The following ENOSF1 variants were observed in gnomAD, a reference collection of about 807,000 sequenced individuals.
ENOSF1 encodes enolase superfamily member 1, also known as mitochondrial enolase superfamily member 1.
A neutral mutation model predicts 68.2 loss-of-function variants in ENOSF1; 73 were observed. The ratio of observed to expected loss-of-function variants is 1.07; its 90% confidence interval spans 0.89 to 1.30. The LOEUF (loss-of-function observed/expected upper bound fraction) is 1.30, where lower values mean the gene tolerates loss of function less well. ENOSF1 is among the 50% of genes most tolerant of loss of function. The pLI is 0.00. For missense variants in ENOSF1, 589 were observed against 554.5 expected (o/e 1.06, Z -0.62); for synonymous variants, 223 against 210.4 (o/e 1.06, Z -0.52).
chr18:704,440 GAAAAAAA>G (rs11429267), intron 2 of ENOSF1, among the ~76,000 whole-genome samples: 1 of 97,254 alleles, frequency 1.0e-5, no homozygotes, highest in Non-Finnish European at 2.0e-5. Flanking sequence ...AAAAAGAAAA[GAAAAAAA>G]AAAAAAAAAA....
At chr18:710,247 C>T (rs993249369) in intron 1 of ENOSF1, among the ~76,000 whole-genome samples, 126 of 152,090 alleles carry the variant, frequency 8.3e-4, no homozygotes, top group African/African-American at 2.9e-3. Flanking sequence ...TGGCTGGGAC[C>T]ACAGGTGCAT....
At chr18:697,986 G>T (rs1374060496) in intron 2 of ENOSF1, among the ~76,000 whole-genome samples, 6 of 152,120 alleles carry the variant, frequency 3.9e-5, no homozygotes, top group African/African-American at 1.4e-4. Context: ...TAGAGACGCA[G>T]TTTCGACATG....
At chr18:675,270 G>A in intron 15 of ENOSF1, 51 bp downstream of exon 15, 4 of 1,387,124 alleles carry the variant, frequency 2.9e-6, no homozygotes, top group Non-Finnish European at 2.0e-6. Context: ...AGACAGGCGT[G>A]GCAGTGGCTG....
At position 673,180 on chromosome 18, in the gene ENOSF1, T is replaced by C. The variant is rs2075146519; in HGVS notation, c.*1125A>G. On this transcript the variant is annotated 3_prime_UTR_variant, in exon 16 of 16. Transcript: ENST00000647584. ...AATGTAACTGTGCCAGTTCTTTCCATAATAAAAGGCTTTGAGTTAACTCAC... is the reference window on the plus strand; with the variant it reads ...AATGTAACTGTGCCAGTTCTTTCCACAATAAAAGGCTTTGAGTTAACTCAC... 1 of 560,672 alleles carries C rather than the reference T, an allele frequency of 1.8e-6. No individual in the cohort carries two copies. Among genetic ancestry groups the C allele is most frequent in the African/African-American group, 1.8e-5 (1 of 54,138 alleles). The allele number at this position is 560,672 out of a possible 1,614,324, so 34.7% of individuals were successfully genotyped here.
chr18:698,820 C>A (rs984550895), intron 2 of ENOSF1, among the ~76,000 whole-genome samples: 1 of 151,958 alleles, frequency 6.6e-6, no homozygotes, highest in African/African-American at 2.4e-5. Context: ...CAGGGTTTCA[C>A]CATGCTTCCC....
At position 708,023 on chromosome 18, in the gene ENOSF1, CTT is replaced by C. The variant is rs35107796; in HGVS notation, c.85-1447_85-1446del. ...TACAGGCACCCACCACTATGACCAGCTTTTTTTTTTTTTTTTTAGTAAAGATG... is the reference window on the plus strand; with the variant it reads ...TACAGGCACCCACCACTATGACCAGCTTTTTTTTTTTTTTTAGTAAAGATG... On this transcript the variant is annotated intron_variant, in intron 1 of 15. Transcript: ENST00000647584. Among the ~76,000 whole-genome samples, 556 of 137,510 alleles carry C rather than the reference CTT, an allele frequency of 4.0e-3. 6 individuals are homozygous for C. The highest frequency in any genetic ancestry group is 5.6e-3 in the Non-Finnish European group (355 of 63,910). The allele number at this position is 137,510 out of a possible 152,430, so 90.2% of individuals were successfully genotyped here.
At position 671,207 on chromosome 18, in the gene ENOSF1, A is replaced by G. The variant is rs2075030806; in HGVS notation, c.*3098T>C. ...GCAATTGCTTGAGGTCTGGAGTTCA[A>G]TACCAGCCTGGGCAACATAACAAGA... is the stretch of plus-strand genomic sequence containing the variant. On this transcript the variant is annotated 3_prime_UTR_variant, in exon 16 of 16. Transcript: ENST00000647584. 3 of 632,396 alleles carry G rather than the reference A, an allele frequency of 4.7e-6. No homozygotes were observed. Among genetic ancestry groups the G allele is most frequent in the East Asian group, 5.5e-5 (2 of 36,696 alleles). 39.2% of individuals were successfully genotyped at this position (632,396 alleles called of 1,614,324 possible). A position where few individuals can be genotyped will look rare whatever the true frequency, so the allele number is the denominator to read the frequency against.
intron 11 of ENOSF1, chr18:682,926 A>C (rs117186312): frequency 0.025 from 5,497 of 224,286 alleles, 210 homozygotes; most frequent in African/African-American, 0.11. Context: ...AAAAAACAAA[A>C]AAAAAAAATG....
At chr18:683,816 C>T (rs1176273855) in intron 10 of ENOSF1, among the ~76,000 whole-genome samples, 1 of 152,046 alleles carries the variant, frequency 6.6e-6, no homozygotes, top group East Asian at 1.9e-4. Flanking sequence ...TTGACTATTG[C>T]CCACTGTGTG....
At chr18:692,648 C>T in intron 5 of ENOSF1, 1 of 845,922 alleles carries the variant, frequency 1.2e-6, no homozygotes, top group Non-Finnish European at 1.4e-6. Context: ...AGAGTACTGG[C>T]ATTGAAAGGG....
At chr18:680,544 C>T (rs975362888) in intron 11 of ENOSF1, among the ~76,000 whole-genome samples, 15 of 152,080 alleles carry the variant, frequency 9.9e-5, no homozygotes, top group Admixed American at 7.2e-4. Context: ...CCTGGAAAAG[C>T]CTCCTCGCTC....
intron 5 of ENOSF1, 72 bp from the exon 6 acceptor site, chr18:691,348 T>C: frequency 7.7e-7 from 1 of 1,300,498 alleles, no homozygotes; most frequent in Non-Finnish European, 1.1e-6. Context: ...TTTTAAAATT[T>C]ATTATTCTTT....
At chr18:702,368 T>G (rs913916410) in intron 2 of ENOSF1, among the ~76,000 whole-genome samples, 1 of 148,012 alleles carries the variant, frequency 6.8e-6, no homozygotes, top group Admixed American at 6.8e-5. Flanking sequence ...AGGTCAGGAG[T>G]TTGAGACCAG....
downstream of ENOSF1, among the ~76,000 whole-genome samples, chr18:666,698 A>G (rs976417008): frequency 1.3e-5 from 2 of 152,244 alleles, no homozygotes; most frequent in Non-Finnish European, 2.9e-5. Context: ...TCTATATTTT[A>G]TGTGCGGTCA....
intron 7 of ENOSF1, 121 bp from the exon 8 acceptor site, chr18:690,752 A>G: frequency 8.2e-7 from 1 of 1,215,178 alleles, no homozygotes; most frequent in Non-Finnish European, 1.1e-6. Flanking sequence ...GGCCCTGCAC[A>G]CACACACCCA....
Position 670,596 on chromosome 18 carries a change from A to G in ENOSF1, c.*3709T>C, listed in dbSNP as rs2074997085. The G allele has an allele frequency of 7.4e-7, 1 of 1,353,622 alleles. No homozygotes were observed. Among genetic ancestry groups the G allele is most frequent in the Non-Finnish European group, 1.0e-6 (1 of 973,176 alleles). 83.9% of individuals were successfully genotyped at this position (1,353,622 alleles called of 1,614,324 possible). On this transcript the variant is annotated 3_prime_UTR_variant, in exon 16 of 16. Coordinates refer to ENST00000647584, the MANE Select transcript of ENOSF1 (RefSeq NM_017512.7). ...GGCTCTCTCTCCTGGTCTCCACCAT[A>G]TGAGTTGGCTTCTGTTTCTCTCCTG...
chr18:680,014 G>A (rs1002616799), intron 11 of ENOSF1, among the ~76,000 whole-genome samples: 5 of 152,230 alleles, frequency 3.3e-5, no homozygotes, highest in Admixed American at 1.3e-4. Flanking sequence ...ACTGTGTGCC[G>A]GGTTTGAACT....
At chr18:669,152 A>G, downstream of ENOSF1, 1 of 1,614,158 alleles carries the variant, frequency 6.2e-7, no homozygotes, top group South Asian at 1.1e-5. Flanking sequence ...AAGAATCATC[A>G]TGTGCGCTTG....
chr18:702,896 G>C (rs1028636640), intron 2 of ENOSF1, among the ~76,000 whole-genome samples: 17 of 152,082 alleles, frequency 1.1e-4, no homozygotes, highest in African/African-American at 3.6e-4. Context: ...CTCCCTCTCT[G>C]TCTCACACAC....
Sources: allele counts gnomAD v4.1 joint callset (sites outside exome capture counted in the v4.1 genomes callset), GRCh38; gene constraint gnomAD v4.1.1; transcripts MANE v1.5; gene names NCBI Gene and HGNC (gene_info 2026-07-23, HGNC 2026-07-21).